MCTP1: variants seen among roughly 807,000 people sequenced by gnomAD.
MCTP1 encodes the protein multiple C2 and transmembrane domain containing 1, also known as multiple C2 and transmembrane domain-containing protein 1.
A neutral mutation model predicts 120.6 loss-of-function variants in MCTP1; 69 were observed. The observed-to-expected ratio is 0.57, with a 90% confidence interval of 0.47 to 0.70. The LOEUF is 0.70. Among genes scored for constraint, MCTP1 ranks in the 30% least tolerant of loss-of-function variants. The pLI, the probability that MCTP1 is intolerant of heterozygous loss-of-function variation, is 0.00. For missense variants in MCTP1, 1,203 were observed against 1,248.8 expected (o/e 0.96, Z 0.55); for synonymous variants, 529 against 493.1 (o/e 1.07, Z -0.96).
At chr5:95,185,162 G>A (rs1358725230) in intron 1 of MCTP1, among the ~76,000 whole-genome samples, 1 of 152,140 alleles carries the variant, frequency 6.6e-6, no homozygotes, top group Admixed American at 6.5e-5. Flanking sequence ...CTGAGAAAAC[G>A]GAAGTGGAGG....
intron 1 of MCTP1, among the ~76,000 whole-genome samples, chr5:95,122,686 T>C (rs189640938): frequency 1.3e-5 from 2 of 152,274 alleles, no homozygotes; most frequent in Non-Finnish European, 2.9e-5. Context: ...ATTGAAGAGG[T>C]ATCTGCCTTT....
intron 19 of MCTP1, among the ~76,000 whole-genome samples, chr5:94,763,072 C>A (rs1375144129): frequency 6.6e-6 from 1 of 152,146 alleles, no homozygotes; most frequent in African/African-American, 2.4e-5. Flanking sequence ...ATTTAAAAAT[C>A]TCTCAAATTT....
intron 1 of MCTP1, among the ~76,000 whole-genome samples, chr5:95,073,027 T>C (rs1256943468): frequency 6.6e-6 from 1 of 152,078 alleles, no homozygotes; most frequent in Non-Finnish European, 1.5e-5. Flanking sequence ...GCAACTATTT[T>C]CACTGGAGAT....
At chr5:94,861,277 G>A (rs2153232951) in intron 17 of MCTP1, among the ~76,000 whole-genome samples, 2 of 151,954 alleles carry the variant, frequency 1.3e-5, no homozygotes, top group Middle Eastern at 6.8e-3. Context: ...AAGGGGCAAA[G>A]TAAAATGGGA....
intron 19 of MCTP1, among the ~76,000 whole-genome samples, chr5:94,752,108 A>AATATATATATATATAAAT (rs1768528966): frequency 1.3e-5 from 1 of 75,756 alleles, no homozygotes; most frequent in Non-Finnish European, 3.1e-5. Context: ...TAAATAATAA[A>AATATATATATATATAAAT]ATATATATAT....
rs889587496 is a variant in MCTP1, at chr5:94,932,055, GT to G, written c.1174-65del. ...CAAGAACAGAATAGGGCAGCCAGTTGTTTTTTAGCGGAAACATTTATTAGCC... is the reference window on the plus strand; with the variant it reads ...CAAGAACAGAATAGGGCAGCCAGTTGTTTTTAGCGGAAACATTTATTAGCC... On this transcript the variant is annotated intron_variant, in intron 5 of 22. Coordinates refer to ENST00000515393, the MANE Select transcript of MCTP1 (RefSeq NM_024717.7). 9.9e-5 allele frequency: 112 copies of G among 1,129,640 alleles called. No individual in the cohort carries two copies. The African/African-American group carries it at 1.2e-3, about 12-fold the overall frequency. 70.0% of individuals were successfully genotyped at this position (1,129,640 alleles called of 1,614,324 possible).
At chr5:95,211,453 C>A in intron 1 of MCTP1, among the ~76,000 whole-genome samples, 1 of 152,166 alleles carries the variant, frequency 6.6e-6, no homozygotes, top group Non-Finnish European at 1.5e-5. Context: ...ACCCTTTCTT[C>A]CAGTTGATCA....
intron 1 of MCTP1, among the ~76,000 whole-genome samples, chr5:95,226,929 A>G (rs534839496): frequency 3.9e-5 from 6 of 152,280 alleles, no homozygotes; most frequent in African/African-American, 1.2e-4. Flanking sequence ...AGGGGAGACT[A>G]CAAAATACAA....
intron 2 of MCTP1, among the ~76,000 whole-genome samples, chr5:94,971,432 A>G (rs1471343710): frequency 6.6e-6 from 1 of 152,286 alleles, no homozygotes; most frequent in East Asian, 1.9e-4. Flanking sequence ...AGGTTCTAGC[A>G]AGATAAAGTT....
At chr5:95,188,720 G>A (rs914703035) in intron 1 of MCTP1, among the ~76,000 whole-genome samples, 2 of 152,142 alleles carry the variant, frequency 1.3e-5, no homozygotes, top group Non-Finnish European at 1.5e-5. Context: ...AGGGCAATGC[G>A]GGAGATCTTT....
At chr5:95,009,818 C>A (rs183490143) in intron 2 of MCTP1, among the ~76,000 whole-genome samples, 11 of 152,036 alleles carry the variant, frequency 7.2e-5, no homozygotes, top group Non-Finnish European at 1.0e-4. Flanking sequence ...AAAGCAAAGA[C>A]AATAAAACTC....
Position 94,954,057 on chromosome 5 carries a change from CAA to C in MCTP1, c.839-698_839-697del, listed in dbSNP as rs1491295750. On this transcript the variant is annotated intron_variant, in intron 2 of 22. Transcript: ENST00000515393. ...ACAAATATATATATGCATATATATA[CAA>C]ATATATATGCATATATATACAAATA... Among the ~76,000 whole-genome samples the C allele has an allele frequency of 2.5e-3, 169 of 68,312 alleles. 60 individuals carry two copies. Among genetic ancestry groups the C allele is most frequent in the African/African-American group, 0.012 (159 of 13,340 alleles). The allele number at this position is 68,312 out of a possible 152,430, so 44.8% of individuals were successfully genotyped here.
chr5:95,025,174 A>G (rs1839008950), intron 1 of MCTP1, among the ~76,000 whole-genome samples: 1 of 152,234 alleles, frequency 6.6e-6, no homozygotes, highest in Non-Finnish European at 1.5e-5. Flanking sequence ...AATCGATTAC[A>G]AAGTGATAAT....
intron 1 of MCTP1, among the ~76,000 whole-genome samples, chr5:95,250,158 A>G (rs924175920): frequency 9.1e-6 from 1 of 110,206 alleles, no homozygotes; most frequent in Admixed American, 8.4e-5. Flanking sequence ...AAAGTATAAT[A>G]AAAAAATAAT....
intron 1 of MCTP1, among the ~76,000 whole-genome samples, chr5:95,024,342 G>T (rs1838792225): frequency 6.6e-6 from 1 of 152,078 alleles, no homozygotes; most frequent in South Asian, 2.1e-4. Flanking sequence ...CATATTCAAA[G>T]AATCAAGGCC....
At chr5:94,791,352 T>C (rs545673987) in intron 18 of MCTP1, among the ~76,000 whole-genome samples, 1 of 151,104 alleles carries the variant, frequency 6.6e-6, no homozygotes. Context: ...TTAAGAAGAC[T>C]GGTGCAGTGG....
At chr5:95,259,872 T>C (rs1758305886) in intron 1 of MCTP1, among the ~76,000 whole-genome samples, 1 of 152,216 alleles carries the variant, frequency 6.6e-6, no homozygotes. Context: ...AGCATTGGAC[T>C]TATGTTGCTA....
At chr5:95,106,469 C>G (rs1385106519) in intron 1 of MCTP1, among the ~76,000 whole-genome samples, 3 of 152,298 alleles carry the variant, frequency 2.0e-5, no homozygotes, top group Non-Finnish European at 4.4e-5. Context: ...TGGGGAGACC[C>G]TTGGATCCTG....
At chr5:95,251,001 G>C (rs1215084942) in intron 1 of MCTP1, among the ~76,000 whole-genome samples, 11 of 152,116 alleles carry the variant, frequency 7.2e-5, no homozygotes, top group Non-Finnish European at 4.4e-5. Flanking sequence ...TCCAGGCACT[G>C]AACTAGGAAG....
Sources: gnomAD v4.1 joint callset for allele counts (sites outside exome capture counted in the v4.1 genomes callset) on GRCh38, gnomAD v4.1.1 for gene constraint, MANE v1.5 for transcripts, NCBI Gene and HGNC (gene_info 2026-07-23, HGNC 2026-07-21) for gene names.